The following GRIA3 variants were observed in gnomAD, a reference collection of about 807,000 sequenced individuals.
GRIA3 encodes the protein glutamate receptor 3.
Under a neutral mutation model 63.0 loss-of-function variants are expected in GRIA3, and 3 were observed. That is an observed-to-expected ratio of 0.05 (90% CI 0.02 to 0.12). GRIA3 has a LOEUF of 0.12. Among genes scored for constraint, GRIA3 ranks in the 10% least tolerant of loss-of-function variants. The pLI, the probability that GRIA3 is intolerant of heterozygous loss-of-function variation, is 1.00. For missense variants in GRIA3, 347 were observed against 700.9 expected (o/e 0.50, Z 5.70); for synonymous variants, 274 against 257.9 (o/e 1.06, Z -0.60).
At chrX:123,213,188 A>G (rs941634974) in intron 2 of GRIA3, among the ~76,000 whole-genome samples, 4 of 112,210 alleles carry the variant, frequency 3.6e-5, no homozygotes, top group African/African-American at 9.7e-5. Flanking sequence ...TGGAAAAATT[A>G]TCTTCCATGA....
chrX:123,277,899 C>T (rs901433583), intron 3 of GRIA3, among the ~76,000 whole-genome samples: 4 of 111,974 alleles, frequency 3.6e-5, no homozygotes, highest in African/African-American at 1.3e-4. Context: ...TTAACTTCCT[C>T]ATGTGATTCT....
At chrX:123,271,168 GAGA>G (rs1428357171) in intron 3 of GRIA3, among the ~76,000 whole-genome samples, 1 of 112,098 alleles carries the variant, frequency 8.9e-6, no homozygotes, top group African/African-American at 3.2e-5. Flanking sequence ...CTTGAAATTA[GAGA>G]AGATTTCCAT....
At chrX:123,433,120 T>C (rs1185402523) in intron 12 of GRIA3, among the ~76,000 whole-genome samples, 1 of 112,175 alleles carries the variant, frequency 8.9e-6, no homozygotes, top group Non-Finnish European at 1.9e-5. Flanking sequence ...AAATGCTCTC[T>C]TCTGGAAATA....
At chrX:123,375,110 T>C (rs2045275815) in intron 5 of GRIA3, among the ~76,000 whole-genome samples, 1 of 112,046 alleles carries the variant, frequency 8.9e-6, no homozygotes, top group Non-Finnish European at 1.9e-5. Flanking sequence ...GGTATGTTCC[T>C]TCTATACCCA....
intron 13 of GRIA3, among the ~76,000 whole-genome samples, chrX:123,479,837 A>C (rs745732940): frequency 8.9e-6 from 1 of 111,768 alleles, no homozygotes; most frequent in Non-Finnish European, 1.9e-5. Flanking sequence ...ATTATTTAAC[A>C]GTGTGTGCCG....
chrX:123,454,229 T>C (rs1267352628), intron 12 of GRIA3, among the ~76,000 whole-genome samples: 1 of 110,997 alleles, frequency 9.0e-6, no homozygotes, highest in Non-Finnish European at 1.9e-5. Flanking sequence ...GAGAGCAGAC[T>C]CTGGAGCCTG....
At chrX:123,351,052 A>C (rs2147347881) in intron 4 of GRIA3, among the ~76,000 whole-genome samples, 1 of 112,388 alleles carries the variant, frequency 8.9e-6, no homozygotes, top group African/African-American at 3.2e-5. Flanking sequence ...GGTCGACTGT[A>C]AAAACAGCTT....
At chrX:123,337,698 A>G (rs767643642) in intron 4 of GRIA3, among the ~76,000 whole-genome samples, 1 of 111,681 alleles carries the variant, frequency 9.0e-6, no homozygotes, top group Non-Finnish European at 1.9e-5. Flanking sequence ...TAGGTAGCCA[A>G]CGAGGGTACT....
intron 10 of GRIA3, among the ~76,000 whole-genome samples, chrX:123,408,790 G>A (rs1479054380): frequency 5.3e-5 from 6 of 112,237 alleles, no homozygotes; most frequent in Admixed American, 4.7e-4. Context: ...AACAGGAGGT[G>A]ATTCCAGAGA....
intron 3 of GRIA3, among the ~76,000 whole-genome samples, chrX:123,292,337 T>C (rs911319681): frequency 9.0e-6 from 1 of 111,698 alleles, no homozygotes; most frequent in Non-Finnish European, 1.9e-5. Flanking sequence ...CAGAATAGGT[T>C]CCAGCTATGG....
At chrX:123,446,703 T>C (rs2045704644) in intron 12 of GRIA3, among the ~76,000 whole-genome samples, 1 of 112,052 alleles carries the variant, frequency 8.9e-6, no homozygotes, top group South Asian at 3.8e-4. Context: ...CCTAATGGGT[T>C]ACAGGCCTGA....
chrX:123,231,142 A>C (rs1178816025), intron 2 of GRIA3, among the ~76,000 whole-genome samples: 1 of 112,053 alleles, frequency 8.9e-6, no homozygotes, highest in African/African-American at 3.2e-5. Flanking sequence ...GACTATTCAA[A>C]ACATTAGCAC....
intron 2 of GRIA3, chrX:123,204,341 C>G: frequency 1.0e-6 from 1 of 981,167 alleles, no homozygotes; most frequent in South Asian, 2.0e-5. Flanking sequence ...AAAAGGTGAC[C>G]CCATGATGTG....
At chrX:123,446,949 G>A (rs2045705886) in intron 12 of GRIA3, among the ~76,000 whole-genome samples, 1 of 112,029 alleles carries the variant, frequency 8.9e-6, no homozygotes, top group South Asian at 3.8e-4. Flanking sequence ...AAGATATAGA[G>A]GGCCTGTTTT....
chrX:123,347,851 T>G (rs1248927040), intron 4 of GRIA3, among the ~76,000 whole-genome samples: 5 of 112,063 alleles, frequency 4.5e-5, no homozygotes, highest in Non-Finnish European at 3.8e-5. Flanking sequence ...AATTTTAGAC[T>G]CTTACAAGTT....
chrX:123,370,555 G>A (rs745307871), intron 5 of GRIA3, among the ~76,000 whole-genome samples: 2 of 111,481 alleles, frequency 1.8e-5, no homozygotes, highest in Non-Finnish European at 3.8e-5. Flanking sequence ...TTCCCTTTCA[G>A]GTTTTCAGTG....
intron 2 of GRIA3, chrX:123,202,928 T>C: frequency 1.7e-6 from 1 of 581,115 alleles, no homozygotes; most frequent in East Asian, 3.6e-5. Context: ...TCAAGCCTAC[T>C]TTACACAGTG....
At chrX:123,194,973 TAAAAC>T (rs755764140) in intron 2 of GRIA3, among the ~76,000 whole-genome samples, 1 of 112,632 alleles carries the variant, frequency 8.9e-6, no homozygotes, top group Admixed American at 9.3e-5. Context: ...CTGAGGGAAA[TAAAAC>T]AGAATGCTCT....
At chrX:123,291,103 T>C (rs902196679) in intron 3 of GRIA3, among the ~76,000 whole-genome samples, 5 of 111,458 alleles carry the variant, frequency 4.5e-5, no homozygotes, top group African/African-American at 6.5e-5. Flanking sequence ...TAAGCTTTAT[T>C]GGTTTTAATA....
Sources: gnomAD v4.1 joint callset for allele counts (sites outside exome capture counted in the v4.1 genomes callset) on GRCh38, gnomAD v4.1.1 for gene constraint, MANE v1.5 for transcripts, NCBI Gene and HGNC (gene_info 2026-07-23, HGNC 2026-07-21) for gene names.